FARS2: variants seen among roughly 807,000 people sequenced by gnomAD.
FARS2 encodes the protein phenylalanine--tRNA ligase, mitochondrial.
A neutral mutation model predicts 46.4 loss-of-function variants in FARS2; 40 were observed. The ratio of observed to expected loss-of-function variants is 0.86; its 90% CI spans 0.67 to 1.12. The LOEUF (loss-of-function observed/expected upper bound fraction) is 1.12. Among genes scored for constraint, FARS2 ranks in the 50% most tolerant of loss-of-function variants. FARS2 has a pLI of 0.00. For missense variants in FARS2, 513 were observed against 567.9 expected (o/e 0.90, Z 0.98); for synonymous variants, 234 against 214.9 (o/e 1.09, Z -0.78).
chr6:5,586,009 AT>A (rs899183716), intron 5 of FARS2, among the ~76,000 whole-genome samples: 1 of 151,794 alleles, frequency 6.6e-6, no homozygotes, highest in African/African-American at 2.4e-5. Flanking sequence ...TTCCATAATG[AT>A]TTTTTTTCAG....
At chr6:5,327,314 G>A (rs1439910821) in intron 1 of FARS2, among the ~76,000 whole-genome samples, 5 of 152,138 alleles carry the variant, frequency 3.3e-5, no homozygotes, top group African/African-American at 1.2e-4. Flanking sequence ...AAACATCTAG[G>A]AAAGGCTATA....
intron 6 of FARS2, among the ~76,000 whole-genome samples, chr6:5,650,701 T>G (rs368590775): frequency 6.6e-6 from 1 of 152,118 alleles, no homozygotes; most frequent in Admixed American, 6.5e-5. Context: ...ATGGTCTCGA[T>G]CTCCTCACCT....
chr6:5,591,735 CCTCA>C (rs1192454299), intron 5 of FARS2, among the ~76,000 whole-genome samples: 1 of 152,210 alleles, frequency 6.6e-6, no homozygotes, highest in East Asian at 1.9e-4. Flanking sequence ...TCACATAGCC[CCTCA>C]CTCTGTGATC....
intron 6 of FARS2, among the ~76,000 whole-genome samples, chr6:5,620,223 C>T (rs563171202): frequency 1.3e-5 from 2 of 152,220 alleles, no homozygotes; most frequent in Non-Finnish European, 2.9e-5. Flanking sequence ...CACACATACA[C>T]GCACACACAT....
intron 3 of FARS2, among the ~76,000 whole-genome samples, chr6:5,417,273 AT>A (rs1348650868): frequency 2.0e-5 from 3 of 151,930 alleles, no homozygotes; most frequent in African/African-American, 7.3e-5. Context: ...CTGGAGTGCA[AT>A]GGCGTGATCA....
intron 2 of FARS2, among the ~76,000 whole-genome samples, chr6:5,374,830 A>T (rs1325434514): frequency 6.6e-6 from 1 of 152,146 alleles, no homozygotes; most frequent in Non-Finnish European, 1.5e-5. Flanking sequence ...CTCAATAGAT[A>T]TAGAAAAATG....
At chr6:5,361,915 G>A (rs776811435) in intron 1 of FARS2, among the ~76,000 whole-genome samples, 38 of 152,192 alleles carry the variant, frequency 2.5e-4, no homozygotes, top group Non-Finnish European at 4.1e-4. Context: ...AGGTTGAAAG[G>A]ACTGTTGAAA....
chr6:5,336,825 T>C (rs1172418699), intron 1 of FARS2, among the ~76,000 whole-genome samples: 1 of 152,174 alleles, frequency 6.6e-6, no homozygotes, highest in Admixed American at 6.5e-5. Flanking sequence ...ACAATTTCTT[T>C]TTCACCCTTG....
intron 1 of FARS2, among the ~76,000 whole-genome samples, chr6:5,296,129 CTTTTTTTTTTTTT>C (rs70974187): frequency 1.1e-4 from 6 of 55,070 alleles, no homozygotes; most frequent in South Asian, 8.9e-4. Context: ...TCATTTTGGC[CTTTTTTTTTTTTT>C]TTTTTTTTTT....
chr6:5,367,781 A>T (rs1758776014), intron 1 of FARS2, among the ~76,000 whole-genome samples: 1 of 152,138 alleles, frequency 6.6e-6, no homozygotes, highest in African/African-American at 2.4e-5. Flanking sequence ...AATTGAGAGG[A>T]TGCCACAAAG....
chr6:5,266,222 G>A (rs1041693748), intron 1 of FARS2, among the ~76,000 whole-genome samples: 4 of 152,216 alleles, frequency 2.6e-5, no homozygotes, highest in African/African-American at 7.2e-5. Flanking sequence ...GGCCAGAGCT[G>A]TAGAGTGCAT....
intron 4 of FARS2, among the ~76,000 whole-genome samples, chr6:5,523,204 T>C (rs115018848): frequency 0.01 from 1,524 of 152,338 alleles, 15 homozygotes; most frequent in Middle Eastern, 0.017. Context: ...TCCAGTCTAA[T>C]GGCAAAGCTT....
At chr6:5,442,152 A>T (rs1763878651) in intron 4 of FARS2, among the ~76,000 whole-genome samples, 1 of 152,156 alleles carries the variant, frequency 6.6e-6, no homozygotes, top group Non-Finnish European at 1.5e-5. Flanking sequence ...TGTGGTTTTT[A>T]TTTGAATTTA....
chr6:5,266,234 A>G (rs1382456146), intron 1 of FARS2, among the ~76,000 whole-genome samples: 1 of 152,234 alleles, frequency 6.6e-6, no homozygotes, highest in Non-Finnish European at 1.5e-5. Context: ...AGAGTGCATG[A>G]GGGTGAGAAC....
rs142449801 is a variant in FARS2 at position 5,648,377 on chromosome 6, G to A, written c.1217+35057G>A. The stretch of plus-strand genomic sequence containing the variant: ...CAGGGTCCCCCCAGATCTCCATGTC[G>A]TCTGTGACCCCATCAACTCCCCTTG... On this transcript the variant is annotated intron_variant, in intron 6 of 6. Coordinates refer to ENST00000274680, the MANE Select transcript of FARS2 (RefSeq NM_006567.5). Among the ~76,000 whole-genome samples, 81 of 152,294 alleles carry A rather than the reference G, an allele frequency of 5.3e-4. 1 individual carries two copies. Among genetic ancestry groups the A allele is most frequent in the Admixed American group, 6.5e-4 (10 of 15,296 alleles).
intron 1 of FARS2, among the ~76,000 whole-genome samples, chr6:5,269,437 T>C (rs1187899947): frequency 7.1e-6 from 1 of 141,586 alleles, no homozygotes; most frequent in Non-Finnish European, 1.5e-5. Flanking sequence ...TGTGCACATG[T>C]ACCCTAGAAC....
intron 6 of FARS2, among the ~76,000 whole-genome samples, chr6:5,678,037 G>T (rs1165830409): frequency 6.6e-6 from 1 of 152,138 alleles, no homozygotes; most frequent in Non-Finnish European, 1.5e-5. Flanking sequence ...AGAGATCAAG[G>T]CATCAAAGCC....
In FARS2 at chr6:5,286,910, A is replaced by G. The variant is rs369812639; in HGVS notation, c.-22+25250A>G. On this transcript the variant is annotated intron_variant, in intron 1 of 6. Transcript: ENST00000274680. ...GAGAGTGAGAAACTCCTCCCGGGGC[A>G]TGTTCGCCTCTGAACCCGTAGTGCA... is the stretch of plus-strand genomic sequence containing the variant. Among the ~76,000 whole-genome samples the G allele has an allele frequency of 1.1e-4, 16 of 152,312 alleles. No individual in the cohort carries two copies. The South Asian group carries it at 1.4e-3, about 14-fold the overall frequency.
At chr6:5,571,916 C>G (rs1772675741) in intron 5 of FARS2, among the ~76,000 whole-genome samples, 1 of 152,096 alleles carries the variant, frequency 6.6e-6, no homozygotes, top group South Asian at 2.1e-4. Context: ...CCATCAAGCC[C>G]AGACCAAACC....
Sources: gnomAD v4.1 joint callset for allele counts (sites outside exome capture counted in the v4.1 genomes callset) on GRCh38, gnomAD v4.1.1 for gene constraint, MANE v1.5 for transcripts, NCBI Gene and HGNC (gene_info 2026-07-23, HGNC 2026-07-21) for gene names.